Variants in FAM117A observed in about 807,000 individuals in gnomAD.
FAM117A encodes the protein protein FAM117A.
FAM117A carries 21 observed loss-of-function variants against 44.1 expected under a neutral mutation model. The observed-to-expected ratio is 0.48, with a 90% CI of 0.34 to 0.69. The LOEUF is 0.69. Ranked by LOEUF, FAM117A falls within the 30% of genes least tolerant of loss-of-function variation. The pLI is 0.01. For missense variants in FAM117A, 498 were observed against 589.9 expected (o/e 0.84, Z 1.61); for synonymous variants, 220 against 238.3 (o/e 0.92, Z 0.71).
intron 1 of FAM117A, among the ~76,000 whole-genome samples, chr17:49,778,824 GA>G (rs2073781882): frequency 6.6e-6 from 1 of 152,174 alleles, no homozygotes; most frequent in Admixed American, 6.5e-5. Context: ...AGAAAGTAAA[GA>G]ATCCAAATAA....
chr17:49,756,135 A>C (rs1382024390), intron 1 of FAM117A, among the ~76,000 whole-genome samples: 4 of 152,184 alleles, frequency 2.6e-5, no homozygotes, highest in Admixed American at 1.3e-4. Flanking sequence ...GAGAGAGTAA[A>C]AACTTAATTT....
chr17:49,777,114 T>C (rs987032554), intron 1 of FAM117A, among the ~76,000 whole-genome samples: 2 of 152,142 alleles, frequency 1.3e-5, no homozygotes, highest in African/African-American at 2.4e-5. Context: ...CTGTGTTTGG[T>C]TGATAAATGA....
intron 1 of FAM117A, among the ~76,000 whole-genome samples, chr17:49,740,342 C>T (rs2073628429): frequency 1.3e-5 from 2 of 152,032 alleles, no homozygotes; most frequent in South Asian, 2.1e-4. Flanking sequence ...CTCCGCCTCC[C>T]GGGTTCACGC....
At chr17:49,758,910 T>C (rs1279228343) in intron 1 of FAM117A, among the ~76,000 whole-genome samples, 29 of 152,146 alleles carry the variant, frequency 1.9e-4, no homozygotes, top group Non-Finnish European at 1.5e-5. Context: ...GATCAAGGAA[T>C]AGTGTGGCCC....
intron 2 of FAM117A, among the ~76,000 whole-genome samples, chr17:49,724,087 T>C (rs1012724487): frequency 3.3e-5 from 5 of 152,100 alleles, no homozygotes; most frequent in African/African-American, 1.2e-4. Flanking sequence ...TACTTCCAAA[T>C]GCCCATGTCT....
intron 7 of FAM117A, 130 bp from the exon 8 acceptor site, chr17:49,711,685 T>C: frequency 1.2e-6 from 1 of 849,348 alleles, no homozygotes; most frequent in East Asian, 2.7e-5. Context: ...GAATTGGAAC[T>C]TGACCGAAAA....
rs1289578396 is a variant in FAM117A at position 49,710,755 on chromosome 17, AGTGTTAT to A, written c.*493_*499del. ...CCTCTGCCAGCAGCTGAATTGGTCAAGTGTTATGGCCCGTTAGGGCTGCTTTGGTCAG... is the reference window on the plus strand; with the variant it reads ...CCTCTGCCAGCAGCTGAATTGGTCAAGGCCCGTTAGGGCTGCTTTGGTCAG... On this transcript the variant is annotated 3_prime_UTR_variant, in exon 8 of 8. Transcript: ENST00000240364. The A allele has an allele frequency of 6.5e-6, 1 of 153,090 alleles. No individual in the cohort carries two copies. Among genetic ancestry groups the A allele is most frequent in the Non-Finnish European group, 1.5e-5 (1 of 68,466 alleles). 9.5% of individuals were successfully genotyped at this position (153,090 alleles called of 1,614,324 possible).
chr17:49,714,894 G>A (rs1447486335), intron 7 of FAM117A, among the ~76,000 whole-genome samples: 1 of 150,284 alleles, frequency 6.7e-6, no homozygotes, highest in Middle Eastern at 3.4e-3. Flanking sequence ...TGATAAACAC[G>A]CACCTCAGCC....
At chr17:49,732,987 T>A (rs1420068640) in intron 1 of FAM117A, 5 of 414,864 alleles carry the variant, frequency 1.2e-5, no homozygotes, top group African/African-American at 1.0e-4. Context: ...CCTCTATCCT[T>A]TTCCTGCTCC....
At position 49,722,493 on chromosome 17, in the gene FAM117A, A is replaced by G. The variant is rs534517798; in HGVS notation, c.462+6T>C. 2 of 1,612,806 alleles carry G rather than the reference A, an allele frequency of 1.2e-6. No individual in the cohort carries two copies. Among genetic ancestry groups the G allele is most frequent in the African/African-American group, 1.3e-5 (1 of 75,012 alleles). On this transcript the variant is annotated splice_donor_region_variant and intron_variant, in intron 3 of 7. Transcript: ENST00000240364. ...CCCTAGGCAGGGAGTCAAAGTGGGT[A>G]GCTACCTCTTTTCGGTGGTCTGTGC...
At chr17:49,767,700 C>G (rs2073749224), upstream of FAM117A, among the ~76,000 whole-genome samples, 1 of 152,092 alleles carries the variant, frequency 6.6e-6, no homozygotes, top group Non-Finnish European at 1.5e-5. Flanking sequence ...GTTAGGAGTT[C>G]AAGACCAGCC....
intron 3 of FAM117A, 61 bp downstream of exon 3, chr17:49,722,438 T>C: frequency 7.3e-7 from 1 of 1,367,344 alleles, no homozygotes; most frequent in Non-Finnish European, 1.0e-6. Flanking sequence ...ATGCATTGCA[T>C]GGTACTAGGG....
At chr17:49,726,879 C>T (rs2073562244) in intron 2 of FAM117A, among the ~76,000 whole-genome samples, 1 of 151,908 alleles carries the variant, frequency 6.6e-6, no homozygotes, top group Non-Finnish European at 1.5e-5. Flanking sequence ...ACTAGGGAGG[C>T]TGAGGCAGGA....
At chr17:49,788,774 C>T (rs1001228230), upstream of FAM117A, 13 of 1,548,138 alleles carry the variant, frequency 8.4e-6, no homozygotes, top group African/African-American at 6.9e-5. Flanking sequence ...CCGCCGGAGC[C>T]ACCGTTCCTG....
In FAM117A at chr17:49,764,056, C is replaced by T. The variant is rs2073735144; in HGVS notation, c.32G>A (p.Gly11Glu). The T allele has an allele frequency of 8.0e-7, 1 of 1,243,058 alleles. No individual in the cohort carries two copies. The highest frequency in any genetic ancestry group is 1.6e-5 in the African/African-American group (1 of 64,418). The allele number at this position is 1,243,058 out of a possible 1,614,324, so 77.0% of individuals were successfully genotyped here. MAGAAAGGRG[G>E]GAWGPGRGGA... is the part of the protein sequence containing the mutation. ...TCCGCGCCCCGGCCCCCAGGCACCT[C>T]CGCCTCTGCCGCCCGCTGCGGCCCC... Residue 11 changes from glycine to glutamate, a missense_variant, in exon 1 of 8, where the codon GGA (glycine) becomes GAA (glutamate). Physicochemically the swap from Gly to Glu is moderately conservative, Grantham distance 98. Transcript: ENST00000240364.
At chr17:49,751,279 CAAAAAAAAAA>C (rs746063068) in intron 1 of FAM117A, among the ~76,000 whole-genome samples, 1 of 42,560 alleles carries the variant, frequency 2.3e-5, no homozygotes, top group East Asian at 5.6e-4. Context: ...AATCTGTCTC[CAAAAAAAAAA>C]AAAAAAAAAA....
At chr17:49,769,739 A>G (rs1477942996) in intron 1 of FAM117A, among the ~76,000 whole-genome samples, 3 of 152,032 alleles carry the variant, frequency 2.0e-5, no homozygotes, top group Non-Finnish European at 4.4e-5. Context: ...AATAATAAAT[A>G]AAACTCTAGA....
At chr17:49,725,576 T>C (rs1017729669) in intron 2 of FAM117A, among the ~76,000 whole-genome samples, 1 of 152,152 alleles carries the variant, frequency 6.6e-6, no homozygotes, top group Non-Finnish European at 1.5e-5. Context: ...GAGTGAGTCA[T>C]GTGCGTATCT....
chr17:49,711,288 CTCT>C lies in FAM117A; in HGVS notation c.1326_1328del (p.Glu443del). 1 of 1,609,290 alleles carries C rather than the reference CTCT, an allele frequency of 6.2e-7. No homozygotes were observed. The highest frequency in any genetic ancestry group is 8.5e-7 in the Non-Finnish European group (1 of 1,177,152). On this transcript the variant is annotated inframe_deletion, in exon 8 of 8. Transcript: ENST00000240364. ...TCAGGGAGCTCTGGAAAAGCACAGG[CTCT>C]TCTGATGGTGGGGTGCGCTGCCATG...
Sources: gnomAD v4.1 joint callset for allele counts (sites outside exome capture counted in the v4.1 genomes callset) on GRCh38, gnomAD v4.1.1 for gene constraint, MANE v1.5 for transcripts, NCBI Gene and HGNC (gene_info 2026-07-23, HGNC 2026-07-21) for gene names.